The following PCDHGA12 variants were observed in gnomAD, a reference collection of about 807,000 sequenced individuals.
PCDHGA12 encodes the protein protocadherin gamma-A12.
PCDHGA12 carries 43 observed loss-of-function variants against 61.1 expected under a neutral mutation model. That is an observed-to-expected ratio of 0.70 (90% CI 0.55 to 0.91). The LOEUF (loss-of-function observed/expected upper bound fraction) is 0.91, where lower values mean the gene tolerates loss of function less well. Ranked by LOEUF, PCDHGA12 falls within the 40% of genes least tolerant of loss-of-function variation. The probability of loss-of-function intolerance (pLI) is 0.00; values close to 1 mark genes in which losing one functional copy is unlikely to be tolerated. For synonymous variants in PCDHGA12, 520 were observed against 542.9 expected, an observed-to-expected ratio of 0.96 and a Z score of 0.59; for missense variants, 1,236 against 1,227.7, an observed-to-expected ratio of 1.01 and a Z score of -0.10.
At chr5:141,437,042 A>G (rs1355358776) in intron 1 of PCDHGA12, among the ~76,000 whole-genome samples, 1 of 152,264 alleles carries the variant, frequency 6.6e-6, no homozygotes, top group Non-Finnish European at 1.5e-5. Context: ...CACCGAAACC[A>G]GAAGGCTGGT....
chr5:141,432,650 G>T lies in PCDHGA12; in HGVS notation c.1891G>T (p.Ala631Ser). 6.2e-7 allele frequency: 1 copy of T among 1,613,868 alleles called. No individual in the cohort carries two copies. The highest frequency in any genetic ancestry group is 1.1e-5 in the South Asian group (1 of 91,064). The change falls in exon 1 of 4, where the codon GCC (alanine) becomes TCC (serine). Residue 631 changes from alanine to serine, a missense_variant. By Grantham distance (99) the Ala-to-Ser change is moderately conservative (BLOSUM62 1). Transcript: ENST00000252085. The surrounding 1 kb of genome is among the most constrained non-coding windows in gnomAD (Gnocchi z 6.0). The stretch of plus-strand genomic sequence containing the variant: ...CACGGGCGAGGTGCGCACGGCGCGA[G>T]CCCTGCTGGACAGAGACGCGCTCAA... The part of the protein sequence containing the change: ...LHTGEVRTAR[A>S]LLDRDALKQS...
intron 2 of PCDHGA12, among the ~76,000 whole-genome samples, chr5:141,501,333 A>ACACC (rs1186649373): frequency 5.5e-4 from 77 of 140,128 alleles, no homozygotes; most frequent in African/African-American, 6.0e-4. Context: ...ACACACACAC[A>ACACC]CCCCAAACTC....
intron 1 of PCDHGA12, among the ~76,000 whole-genome samples, chr5:141,484,096 G>T (rs539388257): frequency 6.6e-6 from 1 of 152,244 alleles, no homozygotes; most frequent in Non-Finnish European, 1.5e-5. Flanking sequence ...GTCTTCGTTG[G>T]TAATTAACAA....
chr5:141,448,496 G>A (rs1277705943), intron 1 of PCDHGA12, among the ~76,000 whole-genome samples: 1 of 152,024 alleles, frequency 6.6e-6, no homozygotes, highest in Non-Finnish European at 1.5e-5. Flanking sequence ...GTCCCCTGTA[G>A]GTAAACATTT....
At chr5:141,456,968 AAAAC>A (rs202005606) in intron 1 of PCDHGA12, among the ~76,000 whole-genome samples, 2,421 of 152,270 alleles carry the variant, frequency 0.016, 37 homozygotes, top group Non-Finnish European at 0.025. Context: ...ATCTCAAAAC[AAAAC>A]AAACAAACAA....
intron 1 of PCDHGA12, among the ~76,000 whole-genome samples, chr5:141,470,664 G>A (rs1308061207): frequency 6.6e-6 from 1 of 151,882 alleles, no homozygotes; most frequent in Non-Finnish European, 1.5e-5. Context: ...CTTTGGTTAG[G>A]GCTCTGCTGT....
chr5:141,490,004 C>A lies in PCDHGA12; in HGVS notation c.2425-4803C>A. The A allele has an allele frequency of 6.2e-7, 1 of 1,614,174 alleles. No homozygotes were observed. The highest frequency in any genetic ancestry group is 1.7e-5 in the Admixed American group (1 of 60,034). On this transcript the variant is annotated intron_variant, in intron 1 of 3. Transcript: ENST00000252085. The surrounding 1 kb of genome is among the most constrained non-coding windows in gnomAD (Gnocchi z 5.4). ...CTACGTGTGGGAATCCCAGAGAATGCACCCATTGGTACTCTGCTGCTCCGC... is the reference window on the plus strand; with the variant it reads ...CTACGTGTGGGAATCCCAGAGAATGAACCCATTGGTACTCTGCTGCTCCGC...
intron 2 of PCDHGA12, among the ~76,000 whole-genome samples, chr5:141,495,601 G>C (rs1315613802): frequency 6.6e-6 from 1 of 152,004 alleles, no homozygotes; most frequent in Non-Finnish European, 1.5e-5. Context: ...CTTAGCTTCC[G>C]TCTTGATTGC....
At position 141,485,651 on chromosome 5, in the gene PCDHGA12, G is replaced by A. The variant is rs752827268; in HGVS notation, c.2425-9156G>A. The A allele has an allele frequency of 6.8e-6, 11 of 1,612,228 alleles. No individual in the cohort carries two copies. The Admixed American group carries it at 1.3e-4, about 20-fold the overall frequency. ...TTTCCCGTTGGAAAAGGCTCAGGATGCAGATGTGGGGAGCAATTCGATTAG... is the reference window on the plus strand; with the variant it reads ...TTTCCCGTTGGAAAAGGCTCAGGATACAGATGTGGGGAGCAATTCGATTAG... On this transcript the variant is annotated intron_variant, in intron 1 of 3. Transcript: ENST00000252085. This position sits in a 1 kb window ranked among gnomAD's most constrained non-coding sequence, Gnocchi z 5.7.
At position 141,499,506 on chromosome 5, in the gene PCDHGA12, CA is replaced by C. The variant is rs759983739; in HGVS notation, c.2483+4644del. Among the ~76,000 whole-genome samples, 6 of 152,086 alleles carry C rather than the reference CA, an allele frequency of 3.9e-5. No homozygotes were observed. The South Asian group carries it at 1.0e-3, about 26-fold the overall frequency. On this transcript the variant is annotated intron_variant, in intron 2 of 3. Coordinates refer to ENST00000252085, the MANE Select transcript of PCDHGA12 (RefSeq NM_003735.3). Reference sequence around the variant, plus strand: ...AACTACAGTTTAATATGAAACATTTCAAATATGTACAAAAGTAGAGAGAATG... The same window carrying C: ...AACTACAGTTTAATATGAAACATTTCAATATGTACAAAAGTAGAGAGAATG...
Position 141,476,755 on chromosome 5 carries a change from G to A in PCDHGA12, c.2425-18052G>A, listed in dbSNP as rs1307512875. The stretch of plus-strand genomic sequence containing the variant: ...AACGGGAGCCTAGTCTCCAGTTAGT[G>A]CTGACGGCGTTGGACGGAGGGACCC... On this transcript the variant is annotated intron_variant, in intron 1 of 3. Coordinates refer to ENST00000252085, the MANE Select transcript of PCDHGA12 (RefSeq NM_003735.3). This position sits in a 1 kb window ranked among gnomAD's most constrained non-coding sequence, Gnocchi z 7.6. 1.2e-6 allele frequency: 2 copies of A among 1,613,828 alleles called. No homozygotes were observed. Among genetic ancestry groups the A allele is most frequent in the Non-Finnish European group, 1.7e-6 (2 of 1,180,036 alleles).
In PCDHGA12 at chr5:141,475,307, T is replaced by C. The variant is rs527879991; in HGVS notation, c.2425-19500T>C. The stretch of plus-strand genomic sequence containing the variant: ...GGTAGGGAAATTTCTTATTGCTCCC[T>C]GGTTCTTAAGAAATGAGAGCTAACA... On this transcript the variant is annotated intron_variant, in intron 1 of 3. Transcript: ENST00000252085. 2.8e-4 allele frequency among the ~76,000 whole-genome samples: 43 copies of C among 152,348 alleles called. 1 individual carries two copies. Among genetic ancestry groups the C allele is most frequent in the Admixed American group, 8.5e-4 (13 of 15,298 alleles).
In PCDHGA12 at chr5:141,477,053, G is replaced by A; in HGVS notation, c.2425-17754G>A. On this transcript the variant is annotated intron_variant, in intron 1 of 3. Transcript: ENST00000252085. This position sits in a 1 kb window ranked among gnomAD's most constrained non-coding sequence, Gnocchi z 4.9. ...GACAATCAAGGGTCGGCTGGACTTC[G>A]AGGACACCAAACTCCATGAGATTTA... The A allele has an allele frequency of 1.9e-6, 3 of 1,614,230 alleles. No homozygotes were observed. The highest frequency in any genetic ancestry group is 2.5e-6 in the Non-Finnish European group (3 of 1,180,032).
intron 1 of PCDHGA12, among the ~76,000 whole-genome samples, chr5:141,492,164 C>G (rs1180358388): frequency 6.6e-6 from 1 of 152,230 alleles, no homozygotes; most frequent in Non-Finnish European, 1.5e-5. Context: ...CTCCCTATCC[C>G]CGCATCACCC....
chr5:141,476,741 A>G lies in PCDHGA12; in HGVS notation c.2425-18066A>G, dbSNP rs1430298222. On this transcript the variant is annotated intron_variant, in intron 1 of 3. Transcript: ENST00000252085. The surrounding 1 kb of genome is among the most constrained non-coding windows in gnomAD (Gnocchi z 7.6). ...CGCCCTGGACCGAGAACGGGAGCCT[A>G]GTCTCCAGTTAGTGCTGACGGCGTT... The G allele has an allele frequency of 6.2e-7, 1 of 1,613,936 alleles. No individual in the cohort carries two copies. Among genetic ancestry groups the G allele is most frequent in the Non-Finnish European group, 8.5e-7 (1 of 1,180,032 alleles).
In PCDHGA12 at chr5:141,491,736, G is replaced by T; in HGVS notation, c.2425-3071G>T. The T allele has an allele frequency of 6.2e-7, 1 of 1,600,560 alleles. No individual in the cohort carries two copies. Among genetic ancestry groups the T allele is most frequent in the Non-Finnish European group, 8.5e-7 (1 of 1,174,270 alleles). ...CGGCGCCGCCCCGGGCGACCCCTGG[G>T]GGCGGCACTGGAGAAGCCGCCCGTC... On this transcript the variant is annotated intron_variant, in intron 1 of 3. Coordinates refer to ENST00000252085, the MANE Select transcript of PCDHGA12 (RefSeq NM_003735.3). This position sits in a 1 kb window ranked among gnomAD's most constrained non-coding sequence, Gnocchi z 6.9.
intron 1 of PCDHGA12, among the ~76,000 whole-genome samples, chr5:141,454,796 ATTTTTTTTTTT>A (rs61612330): frequency 0.01 from 775 of 77,498 alleles, 10 homozygotes; most frequent in African/African-American, 0.043. Context: ...CATGGTTCTA[ATTTTTTTTTTT>A]TTTTTTTTTT....
chr5:141,475,914 A>C (rs2099380300), intron 1 of PCDHGA12: 1 of 592,260 alleles, frequency 1.7e-6, no homozygotes, highest in African/African-American at 1.9e-5. Context: ...GCCAATGAAG[A>C]CGCTGGAGAT....
intron 1 of PCDHGA12, among the ~76,000 whole-genome samples, chr5:141,463,205 A>T (rs2099054933): frequency 6.6e-6 from 1 of 152,080 alleles, no homozygotes; most frequent in Non-Finnish European, 1.5e-5. Context: ...AGACTTGGGG[A>T]TCCATATTAA....
Sources: gnomAD v4.1 joint callset for allele counts (sites outside exome capture counted in the v4.1 genomes callset) on GRCh38, gnomAD v4.1.1 for gene constraint, Gnocchi (gnomAD v3.1) non-coding constraint, MANE v1.5 for transcripts, NCBI Gene and HGNC (gene_info 2026-07-23, HGNC 2026-07-21) for gene names.